The following STXBP5L variants were observed in gnomAD, a reference collection of about 807,000 sequenced individuals.
STXBP5L encodes syntaxin binding protein 5L.
A neutral mutation model predicts 144.5 loss-of-function variants in STXBP5L; 65 were observed. The observed-to-expected ratio is 0.45, with a 90% confidence interval of 0.37 to 0.55. The LOEUF is 0.55. STXBP5L is among the 20% of genes least tolerant of loss of function. STXBP5L has a pLI of 0.00. For missense variants in STXBP5L, 1,298 were observed against 1,405.5 expected (o/e 0.92, Z 1.22); for synonymous variants, 505 against 469.6 (o/e 1.08, Z -0.97).
chr3:121,180,796 C>T (rs143160344), intron 9 of STXBP5L, among the ~76,000 whole-genome samples: 5 of 152,308 alleles, frequency 3.3e-5, no homozygotes, highest in South Asian at 2.1e-4. Context: ...ATCACTTGAA[C>T]CTAGGAGGTG....
At chr3:121,232,739 A>G (rs1008099072) in intron 11 of STXBP5L, among the ~76,000 whole-genome samples, 2 of 152,214 alleles carry the variant, frequency 1.3e-5, no homozygotes, top group African/African-American at 4.8e-5. Context: ...AAGGTTTATC[A>G]TGAGTGAACT....
At chr3:121,346,185 A>G (rs1048277909) in intron 20 of STXBP5L, among the ~76,000 whole-genome samples, 5 of 142,922 alleles carry the variant, frequency 3.5e-5, no homozygotes, top group Non-Finnish European at 6.0e-5. Flanking sequence ...ATTCCCACCT[A>G]TGAGTGAGAA....
At chr3:121,081,710 A>G (rs1480578641) in intron 5 of STXBP5L, among the ~76,000 whole-genome samples, 1 of 152,154 alleles carries the variant, frequency 6.6e-6, no homozygotes, top group Non-Finnish European at 1.5e-5. Flanking sequence ...CTGGCTAGGC[A>G]CTGGTTGTAG....
intron 3 of STXBP5L, among the ~76,000 whole-genome samples, chr3:120,968,595 TG>T (rs1418727642): frequency 1.3e-5 from 2 of 152,158 alleles, no homozygotes; most frequent in African/African-American, 2.4e-5. Flanking sequence ...TCAAAAGCTT[TG>T]GGGGTACAGA....
chr3:121,180,696 G>A (rs1201249373), intron 9 of STXBP5L, among the ~76,000 whole-genome samples: 3 of 152,132 alleles, frequency 2.0e-5, no homozygotes, highest in Non-Finnish European at 4.4e-5. Flanking sequence ...CCAACATGGT[G>A]AAACCCCGTC....
chr3:121,324,574 A>G (rs989891133), intron 20 of STXBP5L: 1 of 688,962 alleles, frequency 1.5e-6, no homozygotes, highest in African/African-American at 1.8e-5. Flanking sequence ...AATCAAGTAT[A>G]TCACTTGCCA....
chr3:121,196,833 A>ATTAT (rs1184388659), intron 9 of STXBP5L, among the ~76,000 whole-genome samples: 2 of 113,408 alleles, frequency 1.8e-5, no homozygotes, highest in Non-Finnish European at 3.9e-5. Flanking sequence ...CCATGCCCAG[A>ATTAT]TTATTGATTG....
At chr3:121,142,186 G>T (rs1486475342) in intron 7 of STXBP5L, among the ~76,000 whole-genome samples, 2 of 151,520 alleles carry the variant, frequency 1.3e-5, no homozygotes, top group South Asian at 4.2e-4. Context: ...ACAATAAAAA[G>T]GTCTATCCAC....
intron 20 of STXBP5L, among the ~76,000 whole-genome samples, chr3:121,343,301 C>A (rs2044805473): frequency 6.6e-6 from 1 of 151,988 alleles, no homozygotes; most frequent in Non-Finnish European, 1.5e-5. Flanking sequence ...GTTGGCTGTT[C>A]ACTCTGATGG....
chr3:121,391,671 GA>G (rs1327873828), intron 22 of STXBP5L, among the ~76,000 whole-genome samples: 1 of 152,156 alleles, frequency 6.6e-6, no homozygotes, highest in African/African-American at 2.4e-5. Flanking sequence ...GAGTTTGCTG[GA>G]GGCCCACTCC....
intron 20 of STXBP5L, among the ~76,000 whole-genome samples, chr3:121,328,593 A>T (rs944881127): frequency 6.6e-6 from 1 of 152,228 alleles, no homozygotes; most frequent in African/African-American, 2.4e-5. Flanking sequence ...TACTAAAAAT[A>T]TAAAAACTTA....
chr3:120,949,414 G>C (rs1711058032), intron 2 of STXBP5L, among the ~76,000 whole-genome samples: 1 of 151,988 alleles, frequency 6.6e-6, no homozygotes, highest in African/African-American at 2.4e-5. Flanking sequence ...AAGCTTTTTA[G>C]TTTAATTAGG....
At chr3:121,095,104 G>C (rs559551063) in intron 5 of STXBP5L, among the ~76,000 whole-genome samples, 1 of 152,156 alleles carries the variant, frequency 6.6e-6, no homozygotes, top group African/African-American at 2.4e-5. Flanking sequence ...TAAGAATGTT[G>C]AATATTGGCC....
At chr3:121,310,520 C>T (rs528236736) in intron 19 of STXBP5L, among the ~76,000 whole-genome samples, 1 of 151,596 alleles carries the variant, frequency 6.6e-6, no homozygotes, top group African/African-American at 2.4e-5. Flanking sequence ...AAGGCTGAGG[C>T]AGGAGAGGGG....
chr3:121,276,244 A>G (rs2050882339), intron 18 of STXBP5L, among the ~76,000 whole-genome samples: 1 of 151,986 alleles, frequency 6.6e-6, no homozygotes, highest in Admixed American at 6.6e-5. Context: ...AATAAATGGA[A>G]TGATACCACT....
intron 20 of STXBP5L, among the ~76,000 whole-genome samples, chr3:121,352,005 G>T (rs1392898217): frequency 6.6e-6 from 1 of 151,978 alleles, no homozygotes; most frequent in Middle Eastern, 3.2e-3. Context: ...GATGTGTAGT[G>T]TTATTTCTGA....
chr3:121,351,273 G>C (rs534526845), intron 20 of STXBP5L, among the ~76,000 whole-genome samples: 1 of 152,206 alleles, frequency 6.6e-6, no homozygotes, highest in Non-Finnish European at 1.5e-5. Flanking sequence ...GCAGAACAGC[G>C]GATATTGGTG....
In STXBP5L at chr3:121,418,464, A is replaced by C; in HGVS notation, c.3354A>C (p.Ala1118=). 6.2e-7 allele frequency: 1 copy of C among 1,614,128 alleles called. No individual in the cohort carries two copies. Residue 1118 remains alanine, a synonymous_variant, in exon 26 of 27, where the codon GCA becomes GCC. Coordinates refer to ENST00000471454, the MANE Select transcript of STXBP5L (RefSeq NM_001308330.2). ...GAGAGCTGACCCGTGCACGGATTGC[A>C]CTTGATGAAAGAGGACAGAGGCTAG... ...VMGELTRARI[A]LDERGQRLGE... is the part of the protein sequence containing the mutation.
chr3:121,016,245 C>T (rs1018019213), intron 3 of STXBP5L, among the ~76,000 whole-genome samples: 1 of 152,128 alleles, frequency 6.6e-6, no homozygotes, highest in Non-Finnish European at 1.5e-5. Context: ...TAAACAGATA[C>T]AGCAGTTAAC....
Sources: gnomAD v4.1 joint callset for allele counts (sites outside exome capture counted in the v4.1 genomes callset) on GRCh38, gnomAD v4.1.1 for gene constraint, MANE v1.5 for transcripts, NCBI Gene and HGNC (gene_info 2026-07-23, HGNC 2026-07-21) for gene names.